PTPRM: variants seen among roughly 807,000 people sequenced by gnomAD.
The protein encoded by PTPRM is receptor-type tyrosine-protein phosphatase mu.
Under a neutral mutation model 186.7 loss-of-function variants are expected in PTPRM, and 47 were observed. The ratio of observed to expected loss-of-function variants is 0.25; its 90% CI spans 0.20 to 0.32. The LOEUF (loss-of-function observed/expected upper bound fraction) is 0.32. Among genes scored for constraint, PTPRM ranks in the 10% least tolerant of loss-of-function variants. The pLI is 1.00. For missense variants in PTPRM, 1,494 were observed against 1,865.0 expected (o/e 0.80, Z 3.66); for synonymous variants, 668 against 674.9 (o/e 0.99, Z 0.16).
chr18:7,936,430 CT>C (rs2051814546), intron 5 of PTPRM, among the ~76,000 whole-genome samples: 1 of 152,234 alleles, frequency 6.6e-6, no homozygotes, highest in Non-Finnish European at 1.5e-5. Flanking sequence ...AAAGTTGAGG[CT>C]AAACCCAGGT....
At chr18:8,380,844 C>T (rs1021852644) in intron 29 of PTPRM, among the ~76,000 whole-genome samples, 1 of 152,114 alleles carries the variant, frequency 6.6e-6, no homozygotes, top group African/African-American at 2.4e-5. Flanking sequence ...AGATCCCATT[C>T]CTGGAGTGAC....
chr18:7,693,427 G>A lies in PTPRM; in HGVS notation c.74-80722G>A, dbSNP rs1031689630. ...GATCCCAAAGACCTACCTTCCTACC[G>A]TTTAATAATACCCTCCTGTTCCAGA... On this transcript the variant is annotated intron_variant, in intron 1 of 32. Coordinates refer to ENST00000580170, the MANE Select transcript of PTPRM (RefSeq NM_001105244.2). Among the ~76,000 whole-genome samples the A allele has an allele frequency of 2.0e-5, 3 of 152,118 alleles. No individual in the cohort carries two copies. The South Asian group carries it at 6.2e-4, about 32-fold the overall frequency.
At chr18:7,721,127 A>G (rs1341889880) in intron 1 of PTPRM, among the ~76,000 whole-genome samples, 1 of 144,190 alleles carries the variant, frequency 6.9e-6, no homozygotes, top group African/African-American at 2.5e-5. Context: ...ATCATCATCA[A>G]CACTTATTAT....
At chr18:7,849,853 T>A (rs1408681135) in intron 2 of PTPRM, among the ~76,000 whole-genome samples, 1 of 152,222 alleles carries the variant, frequency 6.6e-6, no homozygotes, top group Non-Finnish European at 1.5e-5. Flanking sequence ...CACATAACTA[T>A]CTTCCAAACA....
At position 7,888,161 on chromosome 18, in the gene PTPRM, G is replaced by T; in HGVS notation, c.252G>T (p.Leu84=). 6.2e-7 allele frequency: 1 copy of T among 1,614,140 alleles called. No individual in the cohort carries two copies. The highest frequency in any genetic ancestry group is 8.5e-7 in the Non-Finnish European group (1 of 1,180,010). ...SGRPEGQRAH[L]LLPQLKENDT... Reference sequence around the variant, plus strand: ...GACCTGAGGGGCAGAGAGCCCACCTGCTCTTACCCCAACTTAAAGAAAATG... The same window carrying T: ...GACCTGAGGGGCAGAGAGCCCACCTTCTCTTACCCCAACTTAAAGAAAATG... Residue 84 remains leucine (L), a synonymous_variant, in exon 3 of 33, where the codon CTG becomes CTT. Transcript: ENST00000580170.
At chr18:7,779,722 A>G (rs1425414389) in intron 2 of PTPRM, among the ~76,000 whole-genome samples, 1 of 152,228 alleles carries the variant, frequency 6.6e-6, no homozygotes, top group East Asian at 1.9e-4. Context: ...GCATGTCTCC[A>G]GTGAGAAATG....
At chr18:7,737,915 C>T (rs2040806050) in intron 1 of PTPRM, among the ~76,000 whole-genome samples, 1 of 152,154 alleles carries the variant, frequency 6.6e-6, no homozygotes, top group Admixed American at 6.5e-5. Context: ...GTTCAGGGTA[C>T]TGTAGCTTTC....
intron 2 of PTPRM, among the ~76,000 whole-genome samples, chr18:7,867,753 A>G (rs1462932688): frequency 1.3e-5 from 2 of 152,148 alleles, no homozygotes; most frequent in African/African-American, 4.8e-5. Context: ...CTGTCTTTCT[A>G]GGTTGGGGAA....
intron 13 of PTPRM, among the ~76,000 whole-genome samples, chr18:8,136,663 G>A (rs963522184): frequency 6.6e-6 from 1 of 152,130 alleles, no homozygotes; most frequent in African/African-American, 2.4e-5. Flanking sequence ...TACACAAAAT[G>A]TGACTGTAGA....
chr18:7,771,260 G>A (rs778839810), intron 1 of PTPRM, among the ~76,000 whole-genome samples: 1 of 152,130 alleles, frequency 6.6e-6, no homozygotes, highest in Non-Finnish European at 1.5e-5. Context: ...TCCACTGGGG[G>A]ACCTTCTCTG....
At chr18:8,287,097 T>TAAAA (rs369293033) in intron 19 of PTPRM, among the ~76,000 whole-genome samples, 1 of 147,746 alleles carries the variant, frequency 6.8e-6, no homozygotes, top group African/African-American at 2.5e-5. Context: ...ATGTTTGCTT[T>TAAAA]AAAAAAAAAA....
chr18:7,776,572 A>AATGT, intron 2 of PTPRM, among the ~76,000 whole-genome samples: 1 of 151,924 alleles, frequency 6.6e-6, no homozygotes, highest in Non-Finnish European at 1.5e-5. Context: ...TTTGAGCCCC[A>AATGT]ATGTATGCTA....
chr18:7,938,227 C>A (rs1161599123), intron 5 of PTPRM, among the ~76,000 whole-genome samples: 1 of 152,182 alleles, frequency 6.6e-6, no homozygotes. Context: ...AATTCCTATG[C>A]AAATTCAAAA....
intron 2 of PTPRM, among the ~76,000 whole-genome samples, chr18:7,808,969 T>A (rs773228621): frequency 4.6e-5 from 7 of 152,162 alleles, no homozygotes; most frequent in Non-Finnish European, 8.8e-5. Context: ...ACAACAACAG[T>A]AATAACAGCT....
intron 13 of PTPRM, among the ~76,000 whole-genome samples, chr18:8,139,408 A>G (rs554555520): frequency 4.1e-4 from 63 of 152,250 alleles, no homozygotes; most frequent in African/African-American, 1.2e-3. Flanking sequence ...CATCTTCGTA[A>G]TAGCCTCGTA....
intron 1 of PTPRM, among the ~76,000 whole-genome samples, chr18:7,762,464 C>T (rs2144769295): frequency 6.6e-6 from 1 of 151,980 alleles, no homozygotes; most frequent in Middle Eastern, 3.4e-3. Context: ...GAAGTGGTGG[C>T]AAGGAATGAA....
In PTPRM at chr18:8,240,788, GAGAGA is replaced by G. The variant is rs2094421802; in HGVS notation, c.2301-3269_2301-3265del. Among the ~76,000 whole-genome samples the G allele has an allele frequency of 1.3e-3, 96 of 75,240 alleles. 3 individuals are homozygous for G. Among genetic ancestry groups the G allele is most frequent in the African/African-American group, 4.0e-3 (82 of 20,628 alleles). 49.4% of individuals were successfully genotyped at this position (75,240 alleles called of 152,430 possible). On this transcript the variant is annotated intron_variant, in intron 14 of 32. Coordinates refer to ENST00000580170, the MANE Select transcript of PTPRM (RefSeq NM_001105244.2). ...AGGGAGAGAGAGAGGGAGAGAGAGAGAGAGAGAGAGAGAGAGAGAGAGAGAGAGAG... is the reference window on the plus strand; with the variant it reads ...AGGGAGAGAGAGAGGGAGAGAGAGAGGAGAGAGAGAGAGAGAGAGAGAGAG...
chr18:7,847,254 C>T (rs1241839611), intron 2 of PTPRM, among the ~76,000 whole-genome samples: 1 of 151,196 alleles, frequency 6.6e-6, no homozygotes, highest in East Asian at 2.0e-4. Flanking sequence ...GCAGCCTCAG[C>T]CACCCAAGCT....
chr18:8,393,811 G>C (rs6506582), intron 31 of PTPRM, among the ~76,000 whole-genome samples: 19,891 of 151,706 alleles, frequency 0.13, 4,300 homozygotes, highest in African/African-American at 0.45. Flanking sequence ...TTGTTTGAGA[G>C]GGAGTCTCGC....
Sources: allele counts gnomAD v4.1 joint callset (sites outside exome capture counted in the v4.1 genomes callset), GRCh38; gene constraint gnomAD v4.1.1; transcripts MANE v1.5; gene names NCBI Gene and HGNC (gene_info 2026-07-23, HGNC 2026-07-21).